KIAA0319: variants seen among roughly 807,000 people sequenced by gnomAD.
KIAA0319 encodes KIAA0319, also known as dyslexia-associated protein KIAA0319.
Under a neutral mutation model 108.4 loss-of-function variants are expected in KIAA0319, and 83 were observed. That is an observed-to-expected ratio of 0.77 (90% confidence interval 0.64 to 0.92). KIAA0319 has a LOEUF of 0.92. Among genes scored for constraint, KIAA0319 ranks in the 40% least tolerant of loss-of-function variants. KIAA0319 has a pLI of 0.00. For missense variants in KIAA0319, 1,195 were observed against 1,322.4 expected (o/e 0.90, Z 1.49); for synonymous variants, 484 against 510.4 (o/e 0.95, Z 0.70).
rs1760770458 is a variant in KIAA0319, at chr6:24,547,353, A to G, written c.3041-10T>C. ...CTTCGGTGCTTGATACCTAGAGAGA[A>G]GCACAGAAGCATCTGAGGAGGAACG... On this transcript the variant is annotated splice_polypyrimidine_tract_variant and intron_variant, in intron 20 of 20. Coordinates refer to ENST00000378214, the MANE Select transcript of KIAA0319 (RefSeq NM_014809.4). 1.9e-6 allele frequency: 3 copies of G among 1,612,078 alleles called. No homozygotes were observed. The highest frequency in any genetic ancestry group is 1.7e-5 in the Admixed American group (1 of 59,884).
At chr6:24,621,387 G>A (rs1773907911) in intron 1 of KIAA0319, among the ~76,000 whole-genome samples, 1 of 152,168 alleles carries the variant, frequency 6.6e-6, no homozygotes, top group African/African-American at 2.4e-5. Flanking sequence ...ATTAAAAAGA[G>A]AATTGAGCTC....
At chr6:24,558,406 T>TAGATA in intron 17 of KIAA0319, among the ~76,000 whole-genome samples, 2 of 147,294 alleles carry the variant, frequency 1.4e-5, no homozygotes, top group East Asian at 2.0e-4. Context: ...GATAGATAGA[T>TAGATA]ATCTGAAACA....
chr6:24,640,942 C>T (rs1480156070), intron 1 of KIAA0319, among the ~76,000 whole-genome samples: 1 of 152,202 alleles, frequency 6.6e-6, no homozygotes, highest in Non-Finnish European at 1.5e-5. Context: ...GCATGAGACA[C>T]TGCACCTGGC....
chr6:24,579,430 T>TC (rs1766069246), intron 8 of KIAA0319, among the ~76,000 whole-genome samples: 3 of 141,272 alleles, frequency 2.1e-5, no homozygotes, highest in Admixed American at 7.1e-5. Flanking sequence ...TATATATATA[T>TC]ATCTTATATA....
chr6:24,596,296 G>C lies in KIAA0319; in HGVS notation c.378C>G (p.Pro126=). 2 of 1,614,162 alleles carry C rather than the reference G, an allele frequency of 1.2e-6. No homozygotes were observed. The highest frequency in any genetic ancestry group is 1.7e-6 in the Non-Finnish European group (2 of 1,179,998). Residue 126 remains proline, a synonymous_variant, in exon 3 of 21, where the codon CCC becomes CCG. Coordinates refer to ENST00000378214, the MANE Select transcript of KIAA0319 (RefSeq NM_014809.4). ...YGDMMLNRGS[P]SGIWGDSPED... ...CAGGTGAGTCCCCCCAGATCCCCGA[G>C]GGGGAGCCCCTGTTCAGCATCATGT...
chr6:24,601,121 G>A lies in KIAA0319; in HGVS notation c.-18C>T. ...GGCGCCATTGTGCACCACACAGTGGGTGATGGCAGGCTTCTGAGGCGGCCC... is the reference window on the plus strand; with the variant it reads ...GGCGCCATTGTGCACCACACAGTGGATGATGGCAGGCTTCTGAGGCGGCCC... On this transcript the variant is annotated 5_prime_UTR_variant, in exon 2 of 21. Transcript: ENST00000378214. 6.2e-7 allele frequency: 1 copy of A among 1,613,784 alleles called. No individual in the cohort carries two copies. The highest frequency in any genetic ancestry group is 8.5e-7 in the Non-Finnish European group (1 of 1,179,850).
rs866773963 is a variant in KIAA0319, at chr6:24,573,353, C to G, written c.1735-655G>C. 5.3e-5 allele frequency among the ~76,000 whole-genome samples: 8 copies of G among 151,836 alleles called. 1 individual carries two copies. In the Middle Eastern group the frequency reaches 0.014, roughly 258 times the overall value. On this transcript the variant is annotated intron_variant, in intron 10 of 20. Coordinates refer to ENST00000378214, the MANE Select transcript of KIAA0319 (RefSeq NM_014809.4). ...TGAAGAACAGTCTATCACAGCAAAA[C>G]ATGGAAACAATCTACACATCCATCA...
intron 18 of KIAA0319, among the ~76,000 whole-genome samples, chr6:24,555,537 T>C (rs868757466): frequency 3.3e-5 from 5 of 149,768 alleles, no homozygotes; most frequent in Admixed American, 1.3e-4. Context: ...CTTTATTAAA[T>C]GTTATATAAT....
intron 4 of KIAA0319, among the ~76,000 whole-genome samples, chr6:24,584,232 A>T (rs902715996): frequency 3.3e-5 from 5 of 152,084 alleles, no homozygotes; most frequent in African/African-American, 1.2e-4. Flanking sequence ...ATTTTAACTT[A>T]AGCAGCAGGA....
At chr6:24,580,575 T>G (rs1766339702) in intron 7 of KIAA0319, among the ~76,000 whole-genome samples, 1 of 152,164 alleles carries the variant, frequency 6.6e-6, no homozygotes, top group Admixed American at 6.5e-5. Context: ...TCTTGGTTGC[T>G]CAGTTGAATG....
Position 24,580,931 on chromosome 6 carries a change from T to C in KIAA0319, c.1274A>G (p.Lys425Arg), listed in dbSNP as rs919312399. The change falls in exon 7 of 21, where the codon AAG (lysine) becomes AGG (arginine). Residue 425 changes from lysine to arginine, a missense_variant. Coordinates refer to ENST00000378214, the MANE Select transcript of KIAA0319 (RefSeq NM_014809.4). ...FGEGFVNVTVKPARRVNLPPV... is the reference protein window; with the variant it reads ...FGEGFVNVTVRPARRVNLPPV... The stretch of plus-strand genomic sequence containing the variant: ...ATTCTCTTACACCGGCTTACCAGGC[T>C]TAACAGTGACATTGACAAATCCTTC... The C allele has an allele frequency of 1.1e-5, 17 of 1,607,492 alleles. No homozygotes were observed. Among genetic ancestry groups the C allele is most frequent in the Non-Finnish European group, 1.4e-5 (16 of 1,174,292 alleles).
intron 1 of KIAA0319, among the ~76,000 whole-genome samples, chr6:24,636,770 CTTAT>C (rs1776260033): frequency 6.6e-6 from 1 of 151,826 alleles, no homozygotes; most frequent in Admixed American, 6.6e-5. Flanking sequence ...TGTTTATGCT[CTTAT>C]TTATTTTCCT....
Position 24,547,243 on chromosome 6 carries a change from C to T in KIAA0319, c.3141G>A (p.Glu1047=). The T allele has an allele frequency of 6.2e-7, 1 of 1,614,172 alleles. No homozygotes were observed. Among genetic ancestry groups the T allele is most frequent in the Non-Finnish European group, 8.5e-7 (1 of 1,179,974 alleles). The change falls in exon 21 of 21, where the codon GAG becomes GAA. Residue 1047 remains glutamate (E), a synonymous_variant. Transcript: ENST00000378214. ...QDTIFSREKM[E]RGNPKVSMNG... is the part of the protein sequence containing the mutation. ...TCATGGAAACCTTTGGATTCCCTCT[C>T]TCCATCTTTTCTCGGCTGAAGATTG...
intron 20 of KIAA0319, among the ~76,000 whole-genome samples, chr6:24,547,690 C>T (rs918523290): frequency 2.0e-5 from 3 of 152,326 alleles, no homozygotes; most frequent in South Asian, 2.1e-4. Flanking sequence ...GCATGTAAAG[C>T]TCTCTTGGCC....
intron 1 of KIAA0319, among the ~76,000 whole-genome samples, chr6:24,640,898 C>T (rs1196048098): frequency 1.3e-5 from 2 of 152,158 alleles, no homozygotes; most frequent in Non-Finnish European, 1.5e-5. Context: ...AAGTCATCTG[C>T]CCGCCTCAGC....
At chr6:24,554,662 G>C (rs753800378) in intron 18 of KIAA0319, 31 bp from the exon 19 acceptor site, 28 of 1,433,950 alleles carry the variant, frequency 2.0e-5, no homozygotes, top group Non-Finnish European at 2.6e-5. Context: ...AGTGGACATA[G>C]TTACAGGCTA....
At chr6:24,605,516 T>C (rs1049719601) in intron 1 of KIAA0319, among the ~76,000 whole-genome samples, 1 of 152,188 alleles carries the variant, frequency 6.6e-6, no homozygotes, top group Non-Finnish European at 1.5e-5. Flanking sequence ...GAAGAAAATA[T>C]TTAAAGAATT....
chr6:24,568,451 T>C (rs1470513545), intron 13 of KIAA0319, among the ~76,000 whole-genome samples: 1 of 152,178 alleles, frequency 6.6e-6, no homozygotes, highest in Admixed American at 6.5e-5. Flanking sequence ...TTTGAAAACA[T>C]CTCTTTTCTT....
intron 3 of KIAA0319, among the ~76,000 whole-genome samples, chr6:24,593,966 C>T (rs937579116): frequency 2.0e-5 from 3 of 150,404 alleles, no homozygotes; most frequent in Non-Finnish European, 3.0e-5. Flanking sequence ...TTTGGGAGGC[C>T]GAGGCAGGTG....
Sources: allele counts gnomAD v4.1 joint callset (sites outside exome capture counted in the v4.1 genomes callset), GRCh38; gene constraint gnomAD v4.1.1; transcripts MANE v1.5; gene names NCBI Gene and HGNC (gene_info 2026-07-23, HGNC 2026-07-21).